GLYATL2: variants seen among roughly 807,000 people sequenced by gnomAD.
The protein encoded by GLYATL2 is glycine-N-acyltransferase like 2, also known as glycine N-acyltransferase-like protein 2.
Under a neutral mutation model 21.4 loss-of-function variants are expected in GLYATL2, and 25 were observed. The observed-to-expected ratio is 1.17, with a 90% CI of 0.85 to 1.63. The LOEUF is 1.63. Among genes scored for constraint, GLYATL2 ranks in the 40% most tolerant of loss-of-function variants. The pLI, the probability that GLYATL2 is intolerant of heterozygous loss-of-function variation, is 0.00. For synonymous variants in GLYATL2, 114 were observed against 118.2 expected, an observed-to-expected ratio of 0.96 and a Z score of 0.23; for missense variants, 361 against 343.3, an observed-to-expected ratio of 1.05 and a Z score of -0.41.
At chr11:58,862,684 G>C (rs1297830980) in intron 1 of GLYATL2, among the ~76,000 whole-genome samples, 2 of 151,946 alleles carry the variant, frequency 1.3e-5, no homozygotes, top group Non-Finnish European at 2.9e-5. Flanking sequence ...TTTCTATTTT[G>C]TTCATGTATT....
intron 1 of GLYATL2, among the ~76,000 whole-genome samples, chr11:58,875,026 C>T (rs1854201073): frequency 6.6e-6 from 1 of 152,240 alleles, no homozygotes; most frequent in Admixed American, 6.5e-5. Flanking sequence ...TTGAATTGAT[C>T]CCTTTACCAT....
At chr11:58,858,697 C>T (rs1039979054) in intron 1 of GLYATL2, among the ~76,000 whole-genome samples, 1 of 152,122 alleles carries the variant, frequency 6.6e-6, no homozygotes, top group African/African-American at 2.4e-5. Context: ...TATATTATGC[C>T]AGATTACAGC....
upstream of GLYATL2, chr11:58,907,324 CT>C: frequency 2.2e-6 from 1 of 456,296 alleles, no homozygotes; most frequent in South Asian, 1.5e-5. Context: ...TTCCAATTGT[CT>C]TTGTCTTGCT....
chr11:58,900,990 C>T (rs1374203948), intron 1 of GLYATL2, among the ~76,000 whole-genome samples: 1 of 151,924 alleles, frequency 6.6e-6, no homozygotes, highest in Non-Finnish European at 1.5e-5. Flanking sequence ...GCTGGCAGCA[C>T]GCGGGAATAT....
rs117973410 is a variant in GLYATL2, at chr11:58,855,977, A to G, written n.61-17609T>C. 2.4e-3 allele frequency among the ~76,000 whole-genome samples: 358 copies of G among 152,180 alleles called. 6 individuals are homozygous for G. The South Asian group carries it at 0.036, about 15-fold the overall frequency. ...CATCTCTACTAAAAATAAAAATAAA[A>G]AAAATCAGCCAGGTGTGTTAGTGGG... On this transcript the variant is annotated intron_variant and non_coding_transcript_variant, in intron 1 of 4. Transcript: ENST00000533636.
chr11:58,843,544 A>G (rs1853590428), intron 1 of GLYATL2, among the ~76,000 whole-genome samples: 1 of 152,194 alleles, frequency 6.6e-6, no homozygotes, highest in Non-Finnish European at 1.5e-5. Flanking sequence ...AGCAAAAAAG[A>G]TAAGGTACAA....
rs1853476150 is a variant in GLYATL2 at position 58,838,265 on chromosome 11, T to C, written c.182A>G (p.Lys61Arg). 6.8e-6 allele frequency: 11 copies of C among 1,606,580 alleles called. No individual in the cohort carries two copies. The highest frequency in any genetic ancestry group is 9.4e-6 in the Non-Finnish European group (11 of 1,173,514). ...TTCAGTAACTATTGCTCCTACCTGT[T>C]TCTGAGGCCGGGTAATGACGATCTG... The part of the protein sequence containing the change: ...DYQIVITRPQ[K>R]QEMKDDQDHY... The change falls in exon 3 of 6, where the codon AAA (lysine) becomes AGA (arginine). Residue 61 changes from lysine to arginine, a missense_variant. Physicochemically the swap from Lys to Arg is conservative, Grantham distance 26. Coordinates refer to ENST00000287275, the MANE Select transcript of GLYATL2 (RefSeq NM_145016.4).
Position 58,841,081 on chromosome 11 carries a change from G to A in GLYATL2, c.-40-1429C>T, listed in dbSNP as rs186755982. Among the ~76,000 whole-genome samples the A allele has an allele frequency of 2.5e-3, 387 of 152,014 alleles. 4 individuals carry two copies. Among genetic ancestry groups the A allele is most frequent in the African/African-American group, 8.7e-3 (360 of 41,500 alleles). On this transcript the variant is annotated intron_variant, in intron 1 of 5. Coordinates refer to ENST00000287275, the MANE Select transcript of GLYATL2 (RefSeq NM_145016.4). ...ATATGTAATACCTCATATGATACTT[G>A]AAGACAATATATAAGAATGGCCATA...
upstream of GLYATL2, among the ~76,000 whole-genome samples, chr11:58,846,424 C>T (rs1406470754): frequency 6.6e-6 from 1 of 152,138 alleles, no homozygotes; most frequent in Non-Finnish European, 1.5e-5. Context: ...CTGAAAGAGG[C>T]ACTGAAGAGA....
intron 1 of GLYATL2, among the ~76,000 whole-genome samples, chr11:58,868,499 C>A (rs530426461): frequency 2.7e-5 from 4 of 148,908 alleles, no homozygotes; most frequent in South Asian, 2.1e-4. Context: ...GATTTGAGAC[C>A]GAACTTGCAT....
At chr11:58,864,991 T>C (rs1033958300) in intron 1 of GLYATL2, among the ~76,000 whole-genome samples, 2 of 149,020 alleles carry the variant, frequency 1.3e-5, no homozygotes, top group Non-Finnish European at 3.0e-5. Flanking sequence ...TAACAATAAA[T>C]AGAGCAGACA....
At chr11:58,908,449 A>G (rs1355740359), upstream of GLYATL2, 5 of 182,756 alleles carry the variant, frequency 2.7e-5, no homozygotes, top group East Asian at 6.9e-4. Context: ...AGTTAGTTAT[A>G]TTGTCTTTGA....
At chr11:58,901,973 T>G (rs760243566) in intron 1 of GLYATL2, among the ~76,000 whole-genome samples, 3 of 152,090 alleles carry the variant, frequency 2.0e-5, no homozygotes, top group Non-Finnish European at 4.4e-5. Context: ...TTTCTTTACT[T>G]GAAGAGAGAG....
chr11:58,904,156 C>A (rs996445954), exon 1 of GLYATL2: 1 of 152,158 alleles, frequency 6.6e-6, no homozygotes, highest in Non-Finnish European at 1.5e-5. Context: ...CCACCATTAC[C>A]GTCTGAGGCT....
intron 1 of GLYATL2, among the ~76,000 whole-genome samples, chr11:58,840,197 A>T (rs1309198713): frequency 6.6e-6 from 1 of 152,210 alleles, no homozygotes; most frequent in African/African-American, 2.4e-5. Flanking sequence ...ATTAGTGATG[A>T]TACCACCAAG....
intron 1 of GLYATL2, chr11:58,892,561 CAA>C (rs2134622645): frequency 4.4e-6 from 1 of 226,610 alleles, no homozygotes; most frequent in Admixed American, 4.4e-5. Context: ...GGTGTAAACT[CAA>C]GTCTGAGAAT....
At chr11:58,838,499 C>T (rs1412096877) in intron 2 of GLYATL2, 131 bp from the exon 3 acceptor site, 2 of 553,070 alleles carry the variant, frequency 3.6e-6, no homozygotes, top group Non-Finnish European at 6.4e-6. Context: ...TGGGCCAGTG[C>T]TTCCAGGATG....
rs141501990 is a variant in GLYATL2, at chr11:58,867,050, G to A, written n.61-28682C>T. 5.6e-3 allele frequency among the ~76,000 whole-genome samples: 828 copies of A among 148,884 alleles called. 22 individuals are homozygous for A. Among genetic ancestry groups the A allele is most frequent in the African/African-American group, 0.019 (771 of 41,308 alleles). On this transcript the variant is annotated intron_variant and non_coding_transcript_variant, in intron 1 of 4. Coordinates refer to the GLYATL2 transcript ENST00000533636. ...GACACATTGTGAGAGTATGCAGAGG[G>A]TGGGGCTCCACCAGCCTCCCACAGA...
In GLYATL2 at chr11:58,839,666, C is replaced by A; in HGVS notation, c.-40-14G>T. 3.7e-6 allele frequency: 5 copies of A among 1,334,862 alleles called. No individual in the cohort carries two copies. The Admixed American group carries it at 7.7e-5, about 21-fold the overall frequency. 82.7% of individuals were successfully genotyped at this position (1,334,862 alleles called of 1,614,324 possible). ...CAAGAAGATGATCTAAGGAAATAAA[C>A]ACAAAAACAAAAATACCTAGAGAGA... On this transcript the variant is annotated splice_polypyrimidine_tract_variant and intron_variant, in intron 1 of 5. Transcript: ENST00000287275.
Sources: gnomAD v4.1 joint callset for allele counts (sites outside exome capture counted in the v4.1 genomes callset) on GRCh38, gnomAD v4.1.1 for gene constraint, MANE v1.5 for transcripts, NCBI Gene and HGNC (gene_info 2026-07-23, HGNC 2026-07-21) for gene names.